Variants in SEMA3E observed in about 807,000 individuals in gnomAD.
The protein encoded by SEMA3E is semaphorin 3E, also known as semaphorin-3E.
SEMA3E carries 49 observed loss-of-function variants against 93.6 expected under a neutral mutation model. The observed-to-expected ratio is 0.52, with a 90% CI of 0.42 to 0.66. The LOEUF is 0.66. Ranked by LOEUF, SEMA3E falls within the 30% of genes least tolerant of loss-of-function variation. The pLI is 0.00. For synonymous variants in SEMA3E, 363 were observed against 330.7 expected, an observed-to-expected ratio of 1.10 and a Z score of -1.06; for missense variants, 906 against 964.8, an observed-to-expected ratio of 0.94 and a Z score of 0.81.
At chr7:83,490,687 A>G (rs1456821002) in intron 1 of SEMA3E, among the ~76,000 whole-genome samples, 1 of 152,036 alleles carries the variant, frequency 6.6e-6, no homozygotes. Context: ...TGGTTTTGAT[A>G]GTCACATCCA....
intron 2 of SEMA3E, among the ~76,000 whole-genome samples, chr7:83,487,120 G>T (rs1280941974): frequency 2.0e-5 from 3 of 152,072 alleles, no homozygotes; most frequent in Non-Finnish European, 4.4e-5. Flanking sequence ...GTTTTAAAGT[G>T]CTGAGGGTAT....
In SEMA3E at chr7:83,643,200, G is replaced by C. The variant is rs557240224; in HGVS notation, c.115+5228C>G. On this transcript the variant is annotated intron_variant, in intron 1 of 16. Coordinates refer to ENST00000643230, the MANE Select transcript of SEMA3E (RefSeq NM_012431.3). ...AAAAAGAAACAGAGGCCCTCTCTGT[G>C]TAATACTCTCAGCTCTGACTAGATG... Among the ~76,000 whole-genome samples, 137 of 152,094 alleles carry C rather than the reference G, an allele frequency of 9.0e-4. 1 individual carries two copies. The highest frequency in any genetic ancestry group is 1.5e-3 in the Non-Finnish European group (101 of 67,904).
chr7:83,621,683 A>G (rs1221572776), intron 1 of SEMA3E, among the ~76,000 whole-genome samples: 22 of 152,174 alleles, frequency 1.4e-4, no homozygotes. Flanking sequence ...CTCAGAAATA[A>G]GACTGAACAC....
chr7:83,381,913 G>C (rs1311289225), intron 16 of SEMA3E, among the ~76,000 whole-genome samples: 2 of 151,952 alleles, frequency 1.3e-5, no homozygotes, highest in Non-Finnish European at 2.9e-5. Context: ...TCAGTGCTTA[G>C]AGTGGCGATG....
At chr7:83,559,429 C>A (rs1426295399) in intron 1 of SEMA3E, among the ~76,000 whole-genome samples, 1 of 151,980 alleles carries the variant, frequency 6.6e-6, no homozygotes, top group Non-Finnish European at 1.5e-5. Flanking sequence ...TCAGACATCT[C>A]ACAGAAGAAG....
At chr7:83,556,245 T>G in intron 1 of SEMA3E, among the ~76,000 whole-genome samples, 1 of 152,196 alleles carries the variant, frequency 6.6e-6, no homozygotes, top group Non-Finnish European at 1.5e-5. Flanking sequence ...TTGATAATAC[T>G]TTAGCATATA....
At chr7:83,536,102 A>G (rs1006534026) in intron 1 of SEMA3E, among the ~76,000 whole-genome samples, 1 of 152,148 alleles carries the variant, frequency 6.6e-6, no homozygotes, top group Admixed American at 6.6e-5. Context: ...AAAAGTACCT[A>G]TTCTGTTGTT....
intron 1 of SEMA3E, among the ~76,000 whole-genome samples, chr7:83,500,754 G>C (rs115936581): frequency 6.6e-6 from 1 of 151,710 alleles, no homozygotes; most frequent in African/African-American, 2.4e-5. Context: ...CACCATACCC[G>C]GCTGATGTTT....
chr7:83,454,245 A>G (rs1268081269), intron 4 of SEMA3E, among the ~76,000 whole-genome samples: 5 of 127,816 alleles, frequency 3.9e-5, no homozygotes, highest in Non-Finnish European at 6.6e-5. Flanking sequence ...GCGACAGAGC[A>G]AGACTCCGAC....
intron 1 of SEMA3E, among the ~76,000 whole-genome samples, chr7:83,595,429 A>G (rs1792851921): frequency 6.6e-6 from 1 of 152,118 alleles, no homozygotes; most frequent in Non-Finnish European, 1.5e-5. Context: ...AAATTTGACT[A>G]TGATACACAT....
At chr7:83,405,190 G>C (rs1198207095) in intron 9 of SEMA3E, among the ~76,000 whole-genome samples, 2 of 151,998 alleles carry the variant, frequency 1.3e-5, no homozygotes, top group Non-Finnish European at 2.9e-5. Context: ...AGATTACAGA[G>C]TGAAGATATC....
chr7:83,522,498 C>A (rs757781993), intron 1 of SEMA3E, among the ~76,000 whole-genome samples: 1 of 151,942 alleles, frequency 6.6e-6, no homozygotes, highest in African/African-American at 2.4e-5. Flanking sequence ...CTGAAGCTAC[C>A]CTCTAGGGGA....
At chr7:83,514,302 A>G (rs1025091538) in intron 1 of SEMA3E, among the ~76,000 whole-genome samples, 1 of 152,028 alleles carries the variant, frequency 6.6e-6, no homozygotes, top group African/African-American at 2.4e-5. Context: ...ATTCCTTTAC[A>G]TTCTTAATAA....
chr7:83,580,547 C>G (rs114598519), intron 1 of SEMA3E, among the ~76,000 whole-genome samples: 2 of 151,964 alleles, frequency 1.3e-5, no homozygotes, highest in East Asian at 3.9e-4. Context: ...TTGGTTGTAA[C>G]TTAGTGATTA....
intron 1 of SEMA3E, among the ~76,000 whole-genome samples, chr7:83,581,518 G>A (rs985017327): frequency 3.3e-5 from 5 of 151,916 alleles, no homozygotes; most frequent in African/African-American, 1.2e-4. Context: ...TATTTAACTG[G>A]TATATAGCAT....
At position 83,491,372 on chromosome 7, in the gene SEMA3E, T is replaced by C. The variant is rs7807735; in HGVS notation, c.116-1098A>G. 1.0e-3 allele frequency among the ~76,000 whole-genome samples: 158 copies of C among 151,684 alleles called. 1 individual carries two copies. The highest frequency in any genetic ancestry group is 3.7e-3 in the African/African-American group (155 of 41,354). On this transcript the variant is annotated intron_variant, in intron 1 of 16. Transcript: ENST00000643230. ...ATCTTTAGTTTAAAATGAACAATAC[T>C]GCTAAAAGTATCTGTTCCTCTGTAT... is the stretch of plus-strand genomic sequence containing the variant.
At chr7:83,571,170 T>C (rs939419248) in intron 1 of SEMA3E, among the ~76,000 whole-genome samples, 13 of 152,084 alleles carry the variant, frequency 8.5e-5, no homozygotes, top group Non-Finnish European at 1.8e-4. Context: ...ATACCAATTC[T>C]ACTGAAACTA....
chr7:83,385,105 T>G (rs1285771279), intron 16 of SEMA3E, among the ~76,000 whole-genome samples, 189 bp downstream of exon 16: 2 of 150,430 alleles, frequency 1.3e-5, no homozygotes, highest in Non-Finnish European at 3.0e-5. Flanking sequence ...GTATATAAAA[T>G]CTATATGTAT....
chr7:83,446,955 T>C (rs1789243902), intron 4 of SEMA3E, among the ~76,000 whole-genome samples: 1 of 152,180 alleles, frequency 6.6e-6, no homozygotes, highest in African/African-American at 2.4e-5. Context: ...AATAATTTCA[T>C]TCTTACAATA....
Sources: gnomAD v4.1 joint callset for allele counts (sites outside exome capture counted in the v4.1 genomes callset) on GRCh38, gnomAD v4.1.1 for gene constraint, MANE v1.5 for transcripts, NCBI Gene and HGNC (gene_info 2026-07-23, HGNC 2026-07-21) for gene names.